TTC28: variants seen among roughly 807,000 people sequenced by gnomAD.
TTC28 encodes tetratricopeptide repeat domain 28, also known as tetratricopeptide repeat protein 28.
A neutral mutation model predicts 198.0 loss-of-function variants in TTC28; 61 were observed. The ratio of observed to expected loss-of-function variants is 0.31; its 90% CI spans 0.25 to 0.38. The LOEUF is 0.38. Ranked by LOEUF, TTC28 falls within the 10% of genes least tolerant of loss-of-function variation. The probability of loss-of-function intolerance (pLI) is 1.00; values close to 1 mark genes in which losing one functional copy is unlikely to be tolerated. For synonymous variants in TTC28, 1,171 were observed against 1,297.8 expected, an observed-to-expected ratio of 0.90 and a Z score of 2.10; for missense variants, 2,678 against 3,164.0, an observed-to-expected ratio of 0.85 and a Z score of 3.69.
intron 2 of TTC28, among the ~76,000 whole-genome samples, chr22:28,382,172 C>T (rs2046506891): frequency 6.6e-6 from 1 of 152,140 alleles, no homozygotes; most frequent in South Asian, 2.1e-4. Context: ...AAGATCCAAG[C>T]TGTCAAAAGA....
At chr22:28,456,130 G>A (rs2047856007) in intron 2 of TTC28, among the ~76,000 whole-genome samples, 1 of 149,266 alleles carries the variant, frequency 6.7e-6, no homozygotes, top group Non-Finnish European at 1.5e-5. Flanking sequence ...CTACACTCCA[G>A]CCTGGGCGAC....
At chr22:28,102,284 T>C (rs1942178379) in intron 8 of TTC28, among the ~76,000 whole-genome samples, 1 of 152,238 alleles carries the variant, frequency 6.6e-6, no homozygotes. Context: ...TAATCTATTT[T>C]CCTTTTCAGT....
At chr22:28,618,887 T>G (rs116213368) in intron 2 of TTC28, among the ~76,000 whole-genome samples, 2,415 of 152,138 alleles carry the variant, frequency 0.016, 83 homozygotes, top group African/African-American at 0.056. Flanking sequence ...TATTAAACAG[T>G]GAGCTACACT....
chr22:28,338,476 C>T (rs2045770354), intron 2 of TTC28, among the ~76,000 whole-genome samples: 1 of 136,316 alleles, frequency 7.3e-6, no homozygotes, highest in Non-Finnish European at 1.7e-5. Flanking sequence ...TCAGGTACAC[C>T]AATCAGACGT....
intron 13 of TTC28, among the ~76,000 whole-genome samples, chr22:28,018,306 C>CA (rs1555903346): frequency 1.8e-4 from 9 of 49,194 alleles, no homozygotes; most frequent in Admixed American, 5.1e-4. Context: ...TGTGCGCGCG[C>CA]GGGGGGGGGG....
chr22:28,658,780 T>A (rs1475872815), intron 1 of TTC28, among the ~76,000 whole-genome samples: 2 of 152,206 alleles, frequency 1.3e-5, no homozygotes, highest in Non-Finnish European at 2.9e-5. Context: ...GTGGATCACC[T>A]GAGGTCAGGA....
chr22:27,985,564 G>A (rs1310478989), intron 21 of TTC28: 4 of 462,082 alleles, frequency 8.7e-6, no homozygotes, highest in Admixed American at 3.3e-5. Flanking sequence ...TCCACTCTAC[G>A]CAGCCCCCAT....
chr22:28,377,481 C>A (rs557149320), intron 2 of TTC28, among the ~76,000 whole-genome samples: 1 of 151,866 alleles, frequency 6.6e-6, no homozygotes, highest in Non-Finnish European at 1.5e-5. Flanking sequence ...GAAACAGAGT[C>A]AGAGAAGAGA....
intron 2 of TTC28, among the ~76,000 whole-genome samples, chr22:28,490,296 T>C (rs1362863534): frequency 3.3e-5 from 5 of 152,226 alleles, no homozygotes; most frequent in East Asian, 3.8e-4. Flanking sequence ...CAAAATGTCA[T>C]GGCTTTAAGT....
intron 1 of TTC28, among the ~76,000 whole-genome samples, chr22:28,664,880 T>A (rs1164855489): frequency 2.0e-3 from 1 of 506 alleles, no homozygotes; most frequent in African/African-American, 0.015. Flanking sequence ...GGAAAAAATG[T>A]TAAGGGCAGC....
intron 5 of TTC28, among the ~76,000 whole-genome samples, chr22:28,224,659 T>C (rs1373556567): frequency 6.6e-6 from 1 of 152,120 alleles, no homozygotes; most frequent in African/African-American, 2.4e-5. Context: ...GTTTCTGAGC[T>C]AAATGGGCTG....
chr22:28,422,009 T>C (rs773515424), intron 2 of TTC28, among the ~76,000 whole-genome samples: 1 of 151,996 alleles, frequency 6.6e-6, no homozygotes, highest in Admixed American at 6.6e-5. Context: ...AATATAAGCT[T>C]CGAACAGATT....
chr22:28,081,599 T>G (rs552168788), intron 12 of TTC28, among the ~76,000 whole-genome samples: 6 of 152,122 alleles, frequency 3.9e-5, no homozygotes, highest in Non-Finnish European at 7.4e-5. Flanking sequence ...TTCAAGTGAT[T>G]CTCCCCCTTC....
chr22:28,350,593 T>A (rs1272882514), intron 2 of TTC28, among the ~76,000 whole-genome samples: 1 of 152,154 alleles, frequency 6.6e-6, no homozygotes, highest in African/African-American at 2.4e-5. Flanking sequence ...CTGTAATCAG[T>A]TTATCTTGTA....
intron 2 of TTC28, among the ~76,000 whole-genome samples, chr22:28,437,590 GT>G (rs1056135668): frequency 3.3e-5 from 5 of 151,686 alleles, no homozygotes; most frequent in African/African-American, 1.2e-4. Context: ...TTGTTTGGGA[GT>G]TTGTTTTTTT....
intron 2 of TTC28, among the ~76,000 whole-genome samples, chr22:28,555,319 T>C (rs2049769860): frequency 6.6e-6 from 1 of 152,204 alleles, no homozygotes; most frequent in Non-Finnish European, 1.5e-5. Flanking sequence ...GATCTACCGT[T>C]TGATCCAGCA....
At chr22:28,576,109 G>A (rs1014580039) in intron 2 of TTC28, among the ~76,000 whole-genome samples, 1 of 151,526 alleles carries the variant, frequency 6.6e-6, no homozygotes. Context: ...TCCCCATTCC[G>A]TGTAATACTA....
At chr22:28,607,634 T>C (rs759185683) in intron 2 of TTC28, among the ~76,000 whole-genome samples, 1 of 152,220 alleles carries the variant, frequency 6.6e-6, no homozygotes, top group Non-Finnish European at 1.5e-5. Context: ...ACTTTTGGAA[T>C]AGGTAAGTAG....
At chr22:28,018,792 C>A (rs1411770007) in intron 13 of TTC28, among the ~76,000 whole-genome samples, 1 of 152,126 alleles carries the variant, frequency 6.6e-6, no homozygotes, top group African/African-American at 2.4e-5. Flanking sequence ...GCCAGAGGTG[C>A]GCATGGTGGG....
Sources: gnomAD v4.1 joint callset for allele counts (sites outside exome capture counted in the v4.1 genomes callset) on GRCh38, gnomAD v4.1.1 for gene constraint, MANE v1.5 for transcripts, NCBI Gene and HGNC (gene_info 2026-07-23, HGNC 2026-07-21) for gene names.